ZKSCAN8: variants seen among roughly 807,000 people sequenced by gnomAD.
ZKSCAN8 encodes the protein zinc finger with KRAB and SCAN domains 8.
A neutral mutation model predicts 57.2 loss-of-function variants in ZKSCAN8; 27 were observed. The observed-to-expected ratio is 0.47, with a 90% CI of 0.35 to 0.65. The LOEUF (loss-of-function observed/expected upper bound fraction) is 0.65. Ranked by LOEUF, ZKSCAN8 falls within the 30% of genes least tolerant of loss-of-function variation. The pLI is 0.01. For missense variants in ZKSCAN8, 597 were observed against 696.3 expected, an observed-to-expected ratio of 0.86 and a Z score of 1.60; for synonymous variants, 214 against 248.7, an observed-to-expected ratio of 0.86 and a Z score of 1.31.
chr6:28,151,990 T>G (rs1765606821), intron 4 of ZKSCAN8, 54 bp downstream of exon 4: 1 of 1,583,124 alleles, frequency 6.3e-7, no homozygotes. Flanking sequence ...TCAGTGTTTG[T>G]GGCATCTGCC....
In ZKSCAN8 at chr6:28,154,038, T is replaced by G. The variant is rs1167111106; in HGVS notation, c.*21T>G. ...TTTAGGAACAACATCAGTTAGAGTT[T>G]GAGCATTATTCAGCATTAGGGAAAC... On this transcript the variant is annotated 3_prime_UTR_variant, in exon 6 of 6. Coordinates refer to ENST00000330236, the MANE Select transcript of ZKSCAN8 (RefSeq NM_006298.4). 1.3e-6 allele frequency: 2 copies of G among 1,560,766 alleles called. No individual in the cohort carries two copies. Among genetic ancestry groups the G allele is most frequent in the East Asian group, 4.5e-5 (2 of 44,598 alleles).
At chr6:28,152,139 C>A in intron 4 of ZKSCAN8, 122 bp from the exon 5 acceptor site, 2 of 1,449,502 alleles carry the variant, frequency 1.4e-6, no homozygotes, top group Non-Finnish European at 1.9e-6. Context: ...CTATTCAGAT[C>A]CCTTTACATA....
Position 28,152,334 on chromosome 6 carries a change from A to T in ZKSCAN8, c.725A>T (p.Asp242Val). Residue 242 changes from aspartate (D) to valine (V), a missense_variant, in exon 5 of 6, where the codon GAT becomes GTT. Physicochemically the swap from Asp to Val is radical, Grantham distance 152. Coordinates refer to ENST00000330236, the MANE Select transcript of ZKSCAN8 (RefSeq NM_006298.4). ...EEWLLDPSQK[D>V]LCRDNRPENF... is the part of the protein sequence containing the mutation. Reference sequence around the variant, plus strand: ...TGGCTTCTTGATCCATCACAGAAGGATCTGTGTAGAGATAACAGGCCAGAA... The same window carrying T: ...TGGCTTCTTGATCCATCACAGAAGGTTCTGTGTAGAGATAACAGGCCAGAA... 8.7e-6 allele frequency: 14 copies of T among 1,613,908 alleles called. No homozygotes were observed. Among genetic ancestry groups the T allele is most frequent in the Non-Finnish European group, 1.2e-5 (14 of 1,179,932 alleles).
chr6:28,158,971 ATAT>A lies in ZKSCAN8; in HGVS notation c.*4956_*4958del, dbSNP rs1238515499. The A allele has an allele frequency of 3.3e-5, 5 of 152,190 alleles. No homozygotes were observed. The highest frequency in any genetic ancestry group is 1.2e-4 in the African/African-American group (5 of 41,446). The allele number at this position is 152,190 out of a possible 1,614,324, so 9.4% of individuals were successfully genotyped here. A position where few individuals can be genotyped will look rare whatever the true frequency, so the allele number is the denominator to read the frequency against. On this transcript the variant is annotated 3_prime_UTR_variant, in exon 6 of 6. Coordinates refer to ENST00000330236, the MANE Select transcript of ZKSCAN8 (RefSeq NM_006298.4). Reference sequence around the variant, plus strand: ...AAATTCTCCATTACCTCTATGCCTAATATTCATCAGCCTTCATTACTCTCTAGC... The same window carrying A: ...AAATTCTCCATTACCTCTATGCCTAATCATCAGCCTTCATTACTCTCTAGC...
intron 2 of ZKSCAN8, among the ~76,000 whole-genome samples, chr6:28,149,230 A>G (rs1046924153): frequency 6.6e-6 from 1 of 152,206 alleles, no homozygotes; most frequent in African/African-American, 2.4e-5. Context: ...CCTTAGGAGT[A>G]CAAAATATTG....
intron 3 of ZKSCAN8, among the ~76,000 whole-genome samples, chr6:28,151,092 C>A (rs935889646): frequency 2.0e-4 from 30 of 152,218 alleles, no homozygotes; most frequent in African/African-American, 7.0e-4. Context: ...AGCCATGAGC[C>A]ACTGTGCTCG....
rs1457118517 is a variant in ZKSCAN8, at chr6:28,157,882, A to G, written c.*3865A>G. 1 of 152,206 alleles carries G rather than the reference A, an allele frequency of 6.6e-6. No individual in the cohort carries two copies. Among genetic ancestry groups the G allele is most frequent in the African/African-American group, 2.4e-5 (1 of 41,442 alleles). 9.4% of individuals were successfully genotyped at this position (152,206 alleles called of 1,614,324 possible). A position where few individuals can be genotyped will look rare whatever the true frequency, so the allele number is the denominator to read the frequency against. On this transcript the variant is annotated 3_prime_UTR_variant, in exon 6 of 6. Coordinates refer to ENST00000330236, the MANE Select transcript of ZKSCAN8 (RefSeq NM_006298.4). ...GCCAGGCAGATGGTCAGTTAGGATG[A>G]CAATAGTAAGTTCATCTACAGCATA...
chr6:28,149,571 A>C lies in ZKSCAN8; in HGVS notation c.506A>C (p.Gln169Pro). ...SAPEPPNTQL[Q>P]SEATQHKSPV... ...CCAGAGCCTCCAAATACTCAGCTCC[A>C]ATCTGAGGCAACCCAACATAAATCT... Residue 169 changes from glutamine (Q) to proline (P), a missense_variant, in exon 3 of 6, where the codon CAA (glutamine) becomes CCA (proline). By Grantham distance (76) the Gln-to-Pro change is moderately conservative. Coordinates refer to ENST00000330236, the MANE Select transcript of ZKSCAN8 (RefSeq NM_006298.4). The C allele has an allele frequency of 6.2e-7, 1 of 1,614,190 alleles. No homozygotes were observed. Among genetic ancestry groups the C allele is most frequent in the Non-Finnish European group, 8.5e-7 (1 of 1,180,032 alleles).
intron 3 of ZKSCAN8, 49 bp downstream of exon 3, chr6:28,149,673 A>G: frequency 6.2e-7 from 1 of 1,605,072 alleles, no homozygotes; most frequent in Non-Finnish European, 8.5e-7. Context: ...TACAAATAAA[A>G]GTCCATTTGG....
chr6:28,151,715 C>G, intron 3 of ZKSCAN8, 130 bp from the exon 4 acceptor site: 1 of 703,256 alleles, frequency 1.4e-6, no homozygotes, highest in Non-Finnish European at 2.5e-6. Flanking sequence ...AAGATATCAG[C>G]ACTTCATGTG....
chr6:28,145,506 A>T (rs1056081653), intron 1 of ZKSCAN8, among the ~76,000 whole-genome samples: 2 of 152,180 alleles, frequency 1.3e-5, no homozygotes, highest in African/African-American at 2.4e-5. Flanking sequence ...ACATATTTTT[A>T]AAAAATCTCT....
Position 28,149,617 on chromosome 6 carries a change from A to G in ZKSCAN8, c.552A>G (p.Gln184=). Residue 184 remains glutamine (Q), a synonymous_variant, in exon 3 of 6, where the codon CAA becomes CAG. Coordinates refer to ENST00000330236, the MANE Select transcript of ZKSCAN8 (RefSeq NM_006298.4). ...QHKSPVPQES[Q]ERAMSTSQSP... Reference sequence around the variant, plus strand: ...AATCTCCAGTGCCCCAAGAGTCACAAGAGAGAGGTGAGTAGCCAGATTTCA... The same window carrying G: ...AATCTCCAGTGCCCCAAGAGTCACAGGAGAGAGGTGAGTAGCCAGATTTCA... The G allele has an allele frequency of 6.2e-7, 1 of 1,613,954 alleles. No homozygotes were observed. Among genetic ancestry groups the G allele is most frequent in the Non-Finnish European group, 8.5e-7 (1 of 1,179,958 alleles).
intron 1 of ZKSCAN8, 47 bp from the exon 2 acceptor site, chr6:28,148,269 C>A: frequency 2.3e-6 from 2 of 885,826 alleles, no homozygotes; most frequent in Non-Finnish European, 1.7e-6. Flanking sequence ...TAGTTAGTTA[C>A]AATGACTTTT....
intron 1 of ZKSCAN8, among the ~76,000 whole-genome samples, chr6:28,146,837 A>G (rs921552074): frequency 1.3e-5 from 2 of 152,222 alleles, no homozygotes; most frequent in East Asian, 3.8e-4. Flanking sequence ...GATATTTGAC[A>G]AATATACAAA....
In ZKSCAN8 at chr6:28,155,707, G is replaced by A. The variant is rs1470103262; in HGVS notation, c.*1690G>A. 6.5e-6 allele frequency: 1 copy of A among 155,036 alleles called. No homozygotes were observed. The highest frequency in any genetic ancestry group is 1.4e-5 in the Non-Finnish European group (1 of 70,280). The allele number at this position is 155,036 out of a possible 1,614,324, so 9.6% of individuals were successfully genotyped here. On this transcript the variant is annotated 3_prime_UTR_variant, in exon 6 of 6. Coordinates refer to ENST00000330236, the MANE Select transcript of ZKSCAN8 (RefSeq NM_006298.4). ...AATAATAATCATTTTATGATTGATG[G>A]GCCAAAAAAAGCAATCAAAGTCTTA...
intron 3 of ZKSCAN8, among the ~76,000 whole-genome samples, chr6:28,149,953 A>T (rs1164196443): frequency 1.3e-5 from 2 of 152,138 alleles, no homozygotes; most frequent in Non-Finnish European, 2.9e-5. Context: ...CATTTACAAC[A>T]TACATTTTTG....
intron 5 of ZKSCAN8, 69 bp from the exon 6 acceptor site, chr6:28,152,987 C>A: frequency 6.4e-7 from 1 of 1,566,612 alleles, no homozygotes; most frequent in Admixed American, 1.8e-5. Context: ...ATCTTCAGTT[C>A]CTTTCTCCTA....
Position 28,156,645 on chromosome 6 carries a change from A to G in ZKSCAN8, c.*2628A>G, listed in dbSNP as rs1765793218. On this transcript the variant is annotated 3_prime_UTR_variant, in exon 6 of 6. Coordinates refer to ENST00000330236, the MANE Select transcript of ZKSCAN8 (RefSeq NM_006298.4). ...AATATTATTGACTAGGCTGTATGACATTTTGAGCTCTTAACTGTGAATGGC... is the reference window on the plus strand; with the variant it reads ...AATATTATTGACTAGGCTGTATGACGTTTTGAGCTCTTAACTGTGAATGGC... 1.3e-5 allele frequency: 2 copies of G among 155,870 alleles called. No homozygotes were observed. The highest frequency in any genetic ancestry group is 4.8e-5 in the African/African-American group (2 of 41,738). The allele number at this position is 155,870 out of a possible 1,614,324, so 9.7% of individuals were successfully genotyped here. A position where few individuals can be genotyped will look rare whatever the true frequency, so the allele number is the denominator to read the frequency against.
chr6:28,147,225 A>T (rs1561818340), intron 1 of ZKSCAN8, among the ~76,000 whole-genome samples: 2 of 147,444 alleles, frequency 1.4e-5, no homozygotes, highest in African/African-American at 5.2e-5. Context: ...CAAATACTTC[A>T]CTAAAGAAGA....
Sources: allele counts gnomAD v4.1 joint callset (sites outside exome capture counted in the v4.1 genomes callset), GRCh38; gene constraint gnomAD v4.1.1; transcripts MANE v1.5; gene names NCBI Gene and HGNC (gene_info 2026-07-23, HGNC 2026-07-21).